Variants in TUBA3E observed in about 807,000 individuals in gnomAD.
TUBA3E encodes the protein tubulin alpha-3E chain.
TUBA3E carries 21 observed loss-of-function variants against 36.7 expected under a neutral mutation model. The observed-to-expected ratio is 0.57, with a 90% CI of 0.41 to 0.83. TUBA3E has a LOEUF of 0.83. TUBA3E is among the 40% of genes least tolerant of loss of function. The probability of loss-of-function intolerance (pLI) is 0.00; values close to 1 mark genes in which losing one functional copy is unlikely to be tolerated. For missense variants in TUBA3E, 469 were observed against 604.2 expected (o/e 0.78, Z 2.35); for synonymous variants, 177 against 241.9 (o/e 0.73, Z 2.49).
Position 130,191,873 on chromosome 2 carries a change from C to T in TUBA3E, c.1311G>A (p.Val437=), listed in dbSNP as rs1436143176. 8 of 1,613,620 alleles carry T rather than the reference C, an allele frequency of 5.0e-6. No homozygotes were observed. Among genetic ancestry groups the T allele is most frequent in the African/African-American group, 4.0e-5 (3 of 74,918 alleles). ...CTTCAGCCTCAGCTTCCACGGAATC[C>T]ACGCCCACCTCTTCACAATCCTTCT... ...ALEKDCEEVG[V]DSVEAEAEEG... is the part of the protein sequence containing the mutation. Residue 437 remains valine (V), a synonymous_variant, in exon 5 of 5, where the codon GTG becomes GTA. Transcript: ENST00000312988.
chr2:130,195,286 A>T, intron 2 of TUBA3E, 59 bp from the exon 3 acceptor site: 1 of 1,589,578 alleles, frequency 6.3e-7, no homozygotes, highest in South Asian at 1.2e-5. Flanking sequence ...CAAGATGGAC[A>T]CATTCCAGGA....
rs1190941670 is a variant in TUBA3E at position 130,194,072 on chromosome 2, G to A, written c.770C>T (p.Thr257Ile). 6.2e-7 allele frequency: 1 copy of A among 1,614,216 alleles called. No homozygotes were observed. Among genetic ancestry groups the A allele is most frequent in the Non-Finnish European group, 8.5e-7 (1 of 1,180,036 alleles). ...GATGCGGGGGTACGGCACGAGGTTGGTCTGGAATTCCGTCAAGTCCACATT... is the reference window on the plus strand; with the variant it reads ...GATGCGGGGGTACGGCACGAGGTTGATCTGGAATTCCGTCAAGTCCACATT... ...ALNVDLTEFQ[T>I]NLVPYPRIHF... is the part of the protein sequence containing the mutation. Residue 257 changes from threonine to isoleucine, a missense_variant, in exon 4 of 5, where the codon ACC (threonine) becomes ATC (isoleucine). By Grantham distance (89) the Thr-to-Ile change is moderately conservative (BLOSUM62 -1). Around this residue, in one of 3 missense-constraint regions of TUBA3E, gnomAD observed 296 missense variants for 346.9 expected, o/e 0.85. Transcript: ENST00000312988.
intron 2 of TUBA3E, 113 bp downstream of exon 2, chr2:130,196,036 A>G: frequency 7.3e-7 from 1 of 1,362,352 alleles, no homozygotes; most frequent in Non-Finnish European, 9.8e-7. Context: ...CCATGGGCAT[A>G]TGCCTGTCTA....
At position 130,196,372 on chromosome 2, in the gene TUBA3E, C is replaced by A. The variant is rs1404923584; in HGVS notation, c.4-1G>T. ...CCACGTGGATAGAGATACACTCGCG[C>A]TGTGAACCGGAACATAAATGTGAAC... On this transcript the variant is annotated splice_acceptor_variant, in intron 1 of 4. Transcript: ENST00000312988. LOFTEE classifies it high-confidence loss of function. The A allele has an allele frequency of 6.2e-7, 1 of 1,611,664 alleles. No individual in the cohort carries two copies. Among genetic ancestry groups the A allele is most frequent in the African/African-American group, 1.3e-5 (1 of 74,904 alleles).
chr2:130,196,298 A>G lies in TUBA3E; in HGVS notation c.77T>C (p.Leu26Pro), dbSNP rs1195082228. 1 of 1,614,116 alleles carries G rather than the reference A, an allele frequency of 6.2e-7. No individual in the cohort carries two copies. The highest frequency in any genetic ancestry group is 8.5e-7 in the Non-Finnish European group (1 of 1,179,944). Residue 26 changes from leucine to proline, a missense_variant, in exon 2 of 5, where the codon CTT becomes CCT. Leu to Pro is a moderately conservative substitution (Grantham distance 98, BLOSUM62 -3). This residue lies in a region of TUBA3E where 169 missense variants were observed against 239.0 expected (regional missense o/e 0.71). Coordinates refer to ENST00000312988, the MANE Select transcript of TUBA3E (RefSeq NM_207312.3). ...ACCATCGGGCTGAATTCCATGTTCA[A>G]GGCAGTACAGTTCCCAGCAGGCATT... ...IGNACWELYC[L>P]EHGIQPDGQM...
chr2:130,193,606 CAAAAA>C (rs34918027), intron 4 of TUBA3E, among the ~76,000 whole-genome samples, 175 bp downstream of exon 4: 2 of 95,066 alleles, frequency 2.1e-5, no homozygotes, highest in East Asian at 3.0e-4. Flanking sequence ...AAGACTGTCT[CAAAAA>C]AAAAAAAAAA....
At chr2:130,192,586 C>G (rs1690293164) in intron 4 of TUBA3E, among the ~76,000 whole-genome samples, 1 of 152,196 alleles carries the variant, frequency 6.6e-6, no homozygotes, top group African/African-American at 2.4e-5. Context: ...GCAAAGGTAG[C>G]AGATCATGGG....
chr2:130,191,949 C>G lies in TUBA3E; in HGVS notation c.1235G>C (p.Gly412Ala). ...WAFVHWYVGE[G>A]MEEGEFSEAR... ...CTCAGAGAACTCTCCCTCTTCCATG[C>G]CTTCGCCCACGTACCAGTGCACAAA... Residue 412 changes from glycine to alanine, a missense_variant, in exon 5 of 5, where the codon GGC becomes GCC. Gly to Ala is a moderately conservative substitution (Grantham distance 60). Transcript: ENST00000312988. The G allele has an allele frequency of 6.2e-7, 1 of 1,614,064 alleles. No individual in the cohort carries two copies. Among genetic ancestry groups the G allele is most frequent in the Non-Finnish European group, 8.5e-7 (1 of 1,180,012 alleles).
At chr2:130,196,500 C>G (rs1690408832) in intron 1 of TUBA3E, 129 bp from the exon 2 acceptor site, 3 of 1,324,616 alleles carry the variant, frequency 2.3e-6, no homozygotes, top group African/African-American at 3.0e-5. Context: ...TCGATATTTC[C>G]TAGGAGGGTT....
Position 130,196,164 on chromosome 2 carries a change from C to T in TUBA3E, c.211G>A (p.Glu71Lys). 6.2e-7 allele frequency: 1 copy of T among 1,613,552 alleles called. No individual in the cohort carries two copies. Among genetic ancestry groups the T allele is most frequent in the Non-Finnish European group, 8.5e-7 (1 of 1,179,520 alleles). ...AGGCACCTACCGACCACAGTGGGCTCCAGGTCCACAAACACTGCTCTGGGC... is the reference window on the plus strand; with the variant it reads ...AGGCACCTACCGACCACAGTGGGCTTCAGGTCCACAAACACTGCTCTGGGC... ...HVPRAVFVDL[E>K]PTVVDEVRTG... The change falls in exon 2 of 5, where the codon GAG (glutamate) becomes AAG (lysine). Residue 71 changes from glutamate to lysine, a missense_variant. Around this residue, in one of 3 missense-constraint regions of TUBA3E, gnomAD observed 169 missense variants for 239.0 expected, o/e 0.71. Transcript: ENST00000312988.
Position 130,196,350 on chromosome 2 carries a change from C to T in TUBA3E, c.25G>A (p.Val9Met), listed in dbSNP as rs760967532. The T allele has an allele frequency of 5.0e-6, 8 of 1,613,774 alleles. No homozygotes were observed. In the Admixed American group the frequency reaches 5.0e-5, roughly 10 times the overall value. Residue 9 changes from valine to methionine, a missense_variant, in exon 2 of 5, where the codon GTG (valine) becomes ATG (methionine). By Grantham distance (21) the Val-to-Met change is conservative. This residue lies in a region of TUBA3E where 169 missense variants were observed against 239.0 expected (regional missense o/e 0.71). Coordinates refer to ENST00000312988, the MANE Select transcript of TUBA3E (RefSeq NM_207312.3). Reference sequence around the variant, plus strand: ...CCGATCTGGACACCCGCCTGCCCCACGTGGATAGAGATACACTCGCGCTGT... The same window carrying T: ...CCGATCTGGACACCCGCCTGCCCCATGTGGATAGAGATACACTCGCGCTGT... MRECISIH[V>M]GQAGVQIGNA... is the part of the protein sequence containing the mutation.
Position 130,192,039 on chromosome 2 carries a change from G to A in TUBA3E, c.1145C>T (p.Thr382Met), listed in dbSNP as rs748996131. ...GCGGGCCCAGGCCTCCGCAATGGCC[G>A]TGGTGTTGCTCAGCATGCACACGGC... is the stretch of plus-strand genomic sequence containing the variant. ...QRAVCMLSNT[T>M]AIAEAWARLV... The change falls in exon 5 of 5, where the codon ACG (threonine) becomes ATG (methionine). Residue 382 changes from threonine to methionine, a missense_variant. Transcript: ENST00000312988. 31 of 1,614,038 alleles carry A rather than the reference G, an allele frequency of 1.9e-5. No individual in the cohort carries two copies. Among genetic ancestry groups the A allele is most frequent in the African/African-American group, 2.7e-5 (2 of 74,920 alleles).
rs150508021 is a variant in TUBA3E at position 130,194,059 on chromosome 2, C to T, written c.783G>A (p.Pro261=). 1.6e-4 allele frequency: 255 copies of T among 1,614,114 alleles called. 2 individuals carry two copies. In the South Asian group the frequency reaches 2.0e-3, roughly 12 times the overall value. ...DLTEFQTNLV[P]YPRIHFPLAT... ...CCAGGGGGAAGTGGATGCGGGGGTA[C>T]GGCACGAGGTTGGTCTGGAATTCCG... Residue 261 remains proline (P), a synonymous_variant, in exon 4 of 5, where the codon CCG becomes CCA. Coordinates refer to ENST00000312988, the MANE Select transcript of TUBA3E (RefSeq NM_207312.3).
At chr2:130,193,301 CAG>C (rs896711521) in intron 4 of TUBA3E, among the ~76,000 whole-genome samples, 6 of 151,952 alleles carry the variant, frequency 3.9e-5, no homozygotes, top group African/African-American at 9.7e-5. Context: ...TGTGATGACT[CAG>C]AAAGAGTTCA....
rs767589975 is a variant in TUBA3E at position 130,196,275 on chromosome 2, C to G, written c.100G>C (p.Gly34Arg). 5.0e-6 allele frequency: 8 copies of G among 1,613,936 alleles called. No homozygotes were observed. The highest frequency in any genetic ancestry group is 5.9e-6 in the Non-Finnish European group (7 of 1,179,938). The change falls in exon 2 of 5, where the codon GGT (glycine) becomes CGT (arginine). Residue 34 changes from glycine (G) to arginine (R), a missense_variant. Coordinates refer to ENST00000312988, the MANE Select transcript of TUBA3E (RefSeq NM_207312.3). ...ATGGTTTTATCACTTGGCATTTGAC[C>G]ATCGGGCTGAATTCCATGTTCAAGG... ...YCLEHGIQPD[G>R]QMPSDKTIGG...
intron 4 of TUBA3E, among the ~76,000 whole-genome samples, chr2:130,193,112 G>A (rs376569864): frequency 3.3e-5 from 5 of 150,040 alleles, no homozygotes; most frequent in African/African-American, 4.9e-5. Context: ...AAAATTACCC[G>A]GGCATGGTGG....
chr2:130,194,074 C>T lies in TUBA3E; in HGVS notation c.768G>A (p.Gln256=). ...GALNVDLTEF[Q]TNLVPYPRIH... The stretch of plus-strand genomic sequence containing the variant: ...TGCGGGGGTACGGCACGAGGTTGGT[C>T]TGGAATTCCGTCAAGTCCACATTCA... Residue 256 remains glutamine (Q), a synonymous_variant, in exon 4 of 5, where the codon CAG becomes CAA. Coordinates refer to ENST00000312988, the MANE Select transcript of TUBA3E (RefSeq NM_207312.3). The T allele has an allele frequency of 6.2e-7, 1 of 1,614,166 alleles. No individual in the cohort carries two copies. The highest frequency in any genetic ancestry group is 8.5e-7 in the Non-Finnish European group (1 of 1,180,032).
At chr2:130,194,492 C>T in intron 3 of TUBA3E, 26 bp from the exon 4 acceptor site, 1 of 1,523,650 alleles carries the variant, frequency 6.6e-7, no homozygotes, top group Non-Finnish European at 8.8e-7. Flanking sequence ...CAACGTGAGC[C>T]AATGCCCGTG....
At chr2:130,197,675 C>T (rs1464610171) in intron 1 of TUBA3E, among the ~76,000 whole-genome samples, 1 of 125,686 alleles carries the variant, frequency 8.0e-6, no homozygotes, top group African/African-American at 2.8e-5. Flanking sequence ...GGCGCCATCA[C>T]GACTCACTGC....
Sources: gnomAD v4.1 joint callset for allele counts (sites outside exome capture counted in the v4.1 genomes callset) on GRCh38, gnomAD v4.1.1 for gene constraint, gnomAD v4.1.1 regional missense constraint, MANE v1.5 for transcripts, NCBI Gene and HGNC (gene_info 2026-07-23, HGNC 2026-07-21) for gene names.